DST: variants seen among roughly 807,000 people sequenced by gnomAD.
DST encodes dystonin.
Under a neutral mutation model 875.2 loss-of-function variants are expected in DST, and 253 were observed. The observed-to-expected ratio is 0.29, with a 90% confidence interval of 0.26 to 0.32. The LOEUF (loss-of-function observed/expected upper bound fraction) is 0.32. DST is among the 10% of genes least tolerant of loss of function. DST has a pLI of 1.00. For synonymous variants in DST, 3,124 were observed against 3,197.1 expected (o/e 0.98, Z 0.77); for missense variants, 8,287 against 9,111.6 (o/e 0.91, Z 3.68).
intron 36 of DST, chr6:56,619,877 G>A: frequency 1.2e-6 from 2 of 1,614,062 alleles, no homozygotes; most frequent in Non-Finnish European, 1.7e-6. Flanking sequence ...AAGTTCATAT[G>A]TCAGCTCTCT....
Position 56,573,840 on chromosome 6 carries a change from G to A in DST, c.13075C>T (p.Arg4359Ter), listed in dbSNP as rs2097818321. Residue 4359 changes from arginine to a stop codon, truncating the protein, a stop_gained, in exon 51 of 104, where the codon CGA becomes TGA. Coordinates refer to ENST00000680361, the MANE Select transcript of DST (RefSeq NM_001374736.1). LOFTEE classifies it high-confidence loss of function. ...AAGGTTATCTGGAGTTTTTCATTTC[G>A]TTCATTAACAGACTTGGACAGATCC... ...YEDLSKSVNE[R>*]NEKLQITLTR... The A allele has an allele frequency of 6.2e-7, 1 of 1,613,238 alleles. No individual in the cohort carries two copies. Among genetic ancestry groups the A allele is most frequent in the Non-Finnish European group, 8.5e-7 (1 of 1,179,572 alleles).
chr6:56,841,022 G>C (rs1403084209), intron 4 of DST, among the ~76,000 whole-genome samples: 2 of 152,034 alleles, frequency 1.3e-5, no homozygotes, highest in African/African-American at 4.8e-5. Flanking sequence ...AACATAAAAT[G>C]TTTTGAACAA....
chr6:56,559,266 C>T (rs1479330730), intron 58 of DST, among the ~76,000 whole-genome samples: 3 of 152,038 alleles, frequency 2.0e-5, no homozygotes, highest in Non-Finnish European at 4.4e-5. Context: ...ATTCCCACTC[C>T]TATTCTAAAA....
chr6:56,678,157 A>G (rs771071592), intron 9 of DST, among the ~76,000 whole-genome samples: 1 of 152,186 alleles, frequency 6.6e-6, no homozygotes, highest in Non-Finnish European at 1.5e-5. Flanking sequence ...GCATCCCTCA[A>G]AGATGTGGCA....
chr6:56,509,784 C>G lies in DST; in HGVS notation c.18870G>C (p.Glu6290Asp). ...RQPPSISAEV[E>D]KIKEQISENK... ...TTTCACTGATCTGTTCCTTGATCTT[C>G]TCAACCTCTGCAGAGATAGAGGGTG... The change falls in exon 74 of 104, where the codon GAG becomes GAC. Residue 6290 changes from glutamate to aspartate, a missense_variant. By Grantham distance (45) the Glu-to-Asp change is conservative. Transcript: ENST00000680361. 1.2e-6 allele frequency: 2 copies of G among 1,613,736 alleles called. No individual in the cohort carries two copies. Among genetic ancestry groups the G allele is most frequent in the South Asian group, 2.2e-5 (2 of 91,076 alleles).
intron 43 of DST, among the ~76,000 whole-genome samples, chr6:56,602,535 C>T (rs569590099): frequency 6.6e-6 from 1 of 152,064 alleles, no homozygotes; most frequent in South Asian, 2.1e-4. Context: ...TTAAGTGATG[C>T]ATGACTGTAC....
At position 56,463,666 on chromosome 6, in the gene DST, G is replaced by A. The variant is rs776951210; in HGVS notation, c.22858C>T (p.Arg7620Trp). 9 of 1,613,836 alleles carry A rather than the reference G, an allele frequency of 5.6e-6. No individual in the cohort carries two copies. The highest frequency in any genetic ancestry group is 4.5e-5 in the East Asian group (2 of 44,886). Residue 7620 changes from arginine to tryptophan, a missense_variant, in exon 101 of 104, where the codon CGG becomes TGG. This residue lies in a region of DST where 64 missense variants were observed against 86.2 expected (regional missense o/e 0.74). Transcript: ENST00000680361. ...GGTGAAGCGCCTCGTGATGATGGCC[G>A]GGATCTTCGGCCTCGGGGTCGGAAA... Reference protein sequence around the residue: ...AAFRPRGRRSRPSSRGASPNR... With the variant: ...AAFRPRGRRSWPSSRGASPNR...
intron 78 of DST, among the ~76,000 whole-genome samples, chr6:56,502,056 T>G (rs1314816467): frequency 6.6e-6 from 1 of 152,106 alleles, no homozygotes; most frequent in African/African-American, 2.4e-5. Context: ...TGTTGACACA[T>G]ATGAAAGCCA....
Position 56,851,385 on chromosome 6 carries a change from A to T in DST, c.625+12T>A, listed in dbSNP as rs748850930. The T allele has an allele frequency of 1.9e-6, 3 of 1,610,706 alleles. No individual in the cohort carries two copies. The highest frequency in any genetic ancestry group is 2.5e-6 in the Non-Finnish European group (3 of 1,178,764). On this transcript the variant is annotated intron_variant, in intron 4 of 103. Coordinates refer to ENST00000680361, the MANE Select transcript of DST (RefSeq NM_001374736.1). ...CTTCCCCCACTCCATCCCCTTCCCC[A>T]GATGCTCTTACCTGCTATCCGAAGC... is the stretch of plus-strand genomic sequence containing the variant.
Position 56,553,468 on chromosome 6 carries a change from G to A in DST, c.15324C>T (p.Thr5108=), listed in dbSNP as rs373832977. ...KDHKDFSKTL[T]AQSHMYEKTI... ...TTTTTTCATACATATGAGACTGAGC[G>A]GTCAAAGTTTTACTAAAGTCTTTAT... The change falls in exon 61 of 104, where the codon ACC becomes ACT. Residue 5108 remains threonine, a synonymous_variant. Coordinates refer to ENST00000680361, the MANE Select transcript of DST (RefSeq NM_001374736.1). 35 of 1,612,956 alleles carry A rather than the reference G, an allele frequency of 2.2e-5. No individual in the cohort carries two copies. Among genetic ancestry groups the A allele is most frequent in the South Asian group, 1.1e-5 (1 of 90,810 alleles).
In DST at chr6:56,602,930, C is replaced by T. The variant is rs757419941; in HGVS notation, c.11259G>A (p.Val3753=). ...KSKSVKDIEI[V]NVQDSEYVKK... is the part of the protein sequence containing the mutation. Reference sequence around the variant, plus strand: ...TTACATACTCAGAATCTTGAACATTCACAATCTCAATATCCTTCACAGATT... The same window carrying T: ...TTACATACTCAGAATCTTGAACATTTACAATCTCAATATCCTTCACAGATT... Residue 3753 remains valine (V), a synonymous_variant, in exon 43 of 104, where the codon GTG becomes GTA. Coordinates refer to ENST00000680361, the MANE Select transcript of DST (RefSeq NM_001374736.1). The T allele has an allele frequency of 1.1e-5, 17 of 1,579,810 alleles. No homozygotes were observed. Among genetic ancestry groups the T allele is most frequent in the Non-Finnish European group, 1.5e-5 (17 of 1,169,654 alleles).
At chr6:56,623,986 C>CAA (rs150463940) in intron 36 of DST, among the ~76,000 whole-genome samples, 1 of 138,368 alleles carries the variant, frequency 7.2e-6, no homozygotes. Flanking sequence ...TATCTTTTTG[C>CAA]AAAAAAAAAA....
intron 2 of DST, among the ~76,000 whole-genome samples, chr6:56,951,815 C>T (rs1254833173): frequency 6.6e-6 from 1 of 152,140 alleles, no homozygotes; most frequent in Non-Finnish European, 1.5e-5. Context: ...AGCACAAACT[C>T]CAGGGCAATT....
chr6:56,499,243 C>A (rs2096033213), intron 80 of DST, among the ~76,000 whole-genome samples: 1 of 152,092 alleles, frequency 6.6e-6, no homozygotes, highest in Non-Finnish European at 1.5e-5. Flanking sequence ...GAAATTCAGA[C>A]CAGGGTGGAT....
At chr6:56,890,376 T>G (rs773698528) in intron 3 of DST, among the ~76,000 whole-genome samples, 1 of 152,240 alleles carries the variant, frequency 6.6e-6, no homozygotes, top group African/African-American at 2.4e-5. Context: ...CAAAATGCTT[T>G]GTAATGTGAA....
intron 94 of DST, 136 bp downstream of exon 94, chr6:56,471,923 T>G: frequency 1.1e-6 from 1 of 890,186 alleles, no homozygotes; most frequent in Non-Finnish European, 1.9e-6. Context: ...TTTTGGAAAT[T>G]TAAAAATGTA....
chr6:56,860,684 G>A (rs1030415300), intron 3 of DST, among the ~76,000 whole-genome samples: 2 of 152,202 alleles, frequency 1.3e-5, no homozygotes, highest in Non-Finnish European at 2.9e-5. Flanking sequence ...ATTAGGTGAT[G>A]TTGTCTATTC....
chr6:56,900,391 T>C (rs770205609), intron 3 of DST, 30 bp downstream of exon 3: 4 of 1,335,000 alleles, frequency 3.0e-6, no homozygotes, highest in Non-Finnish European at 4.0e-6. Context: ...GTGAATTTAA[T>C]ATTTTTATAA....
chr6:56,666,737 CTTTT>C (rs111274857), intron 10 of DST, among the ~76,000 whole-genome samples: 5 of 139,456 alleles, frequency 3.6e-5, no homozygotes, highest in Middle Eastern at 3.4e-3. Flanking sequence ...AAAAACTACT[CTTTT>C]TTTTTTTTTT....
Sources: gnomAD v4.1 joint callset for allele counts (sites outside exome capture counted in the v4.1 genomes callset) on GRCh38, gnomAD v4.1.1 for gene constraint, gnomAD v4.1.1 regional missense constraint, MANE v1.5 for transcripts, NCBI Gene and HGNC (gene_info 2026-07-23, HGNC 2026-07-21) for gene names.